The following WWC1 variants were observed in gnomAD, a reference collection of about 807,000 sequenced individuals.
WWC1 encodes the protein WW and C2 domain containing 1, also known as protein KIBRA.
Under a neutral mutation model 138.4 loss-of-function variants are expected in WWC1, and 55 were observed. The ratio of observed to expected loss-of-function variants is 0.40; its 90% confidence interval spans 0.32 to 0.50. The LOEUF (loss-of-function observed/expected upper bound fraction) is 0.50. Ranked by LOEUF, WWC1 falls within the 20% of genes least tolerant of loss-of-function variation. WWC1 has a pLI of 0.72. For synonymous variants in WWC1, 524 were observed against 564.9 expected (o/e 0.93, Z 1.03); for missense variants, 1,226 against 1,420.4 (o/e 0.86, Z 2.20).
intron 20 of WWC1, among the ~76,000 whole-genome samples, chr5:168,462,544 T>G (rs1756910114): frequency 6.6e-6 from 1 of 152,198 alleles, no homozygotes; most frequent in Non-Finnish European, 1.5e-5. Flanking sequence ...GGAGCAGATG[T>G]TCATGGTCCA....
intron 15 of WWC1, among the ~76,000 whole-genome samples, chr5:168,432,628 C>T (rs887657826): frequency 2.0e-5 from 3 of 152,172 alleles, no homozygotes; most frequent in South Asian, 2.1e-4. Flanking sequence ...CCTAGAAGGT[C>T]GCTCCACTCA....
intron 5 of WWC1, among the ~76,000 whole-genome samples, chr5:168,401,433 T>G (rs1200757683): frequency 6.6e-6 from 1 of 152,212 alleles, no homozygotes; most frequent in Non-Finnish European, 1.5e-5. Flanking sequence ...TCCATGAATT[T>G]CAAATCCACC....
At position 168,292,083 on chromosome 5, in the gene WWC1, C is replaced by T. The variant is rs1769091079; in HGVS notation, c.-70C>T. Reference sequence around the variant, plus strand: ...CGGCGGCCGCCCGGGCTAAGAGCGGCCGGCTGGAGCCGCTGAGCCCCCGCT... The same window carrying T: ...CGGCGGCCGCCCGGGCTAAGAGCGGTCGGCTGGAGCCGCTGAGCCCCCGCT... On this transcript the variant is annotated 5_prime_UTR_variant, in exon 1 of 23. Coordinates refer to ENST00000265293, the MANE Select transcript of WWC1 (RefSeq NM_015238.3). This position sits in a 1 kb window ranked among gnomAD's most constrained non-coding sequence, Gnocchi z 4.4. The T allele has an allele frequency of 7.0e-7, 1 of 1,433,406 alleles. No homozygotes were observed. The allele number at this position is 1,433,406 out of a possible 1,614,324, so 88.8% of individuals were successfully genotyped here.
intron 1 of WWC1, among the ~76,000 whole-genome samples, chr5:168,341,769 C>T (rs1350418768): frequency 6.6e-6 from 1 of 151,796 alleles, no homozygotes; most frequent in African/African-American, 2.4e-5. Context: ...GCCAGGTGTT[C>T]AGATGCTGGT....
intron 17 of WWC1, among the ~76,000 whole-genome samples, chr5:168,447,250 C>T (rs930896893): frequency 6.6e-6 from 1 of 152,218 alleles, no homozygotes; most frequent in Non-Finnish European, 1.5e-5. Context: ...TATTATTATT[C>T]TCTTAGAGCC....
intron 1 of WWC1, among the ~76,000 whole-genome samples, chr5:168,302,588 G>T (rs915376982): frequency 1.3e-5 from 2 of 152,076 alleles, no homozygotes; most frequent in Non-Finnish European, 2.9e-5. Context: ...ATTGTGGTGA[G>T]GTGGGCTAAT....
chr5:168,389,597 GT>G (rs55873477), intron 3 of WWC1, among the ~76,000 whole-genome samples: 1,939 of 129,014 alleles, frequency 0.015, 35 homozygotes, highest in African/African-American at 0.05. Flanking sequence ...TTGAATTTTT[GT>G]TTTTTTTTTT....
rs746189002 is a variant in WWC1, at chr5:168,438,806, CAG to C, written c.2281-2875_2281-2874del. 5.3e-5 allele frequency among the ~76,000 whole-genome samples: 8 copies of C among 151,588 alleles called. No homozygotes were observed. The East Asian group carries it at 9.7e-4, about 18-fold the overall frequency. On this transcript the variant is annotated intron_variant, in intron 15 of 22. Transcript: ENST00000265293. The stretch of plus-strand genomic sequence containing the variant: ...GGAAGGCTGTAGGGGAAAAAAAAAA[CAG>C]TAAAAATATTAAGTCACTTGAAATA...
chr5:168,345,400 A>T (rs926462123), intron 1 of WWC1, among the ~76,000 whole-genome samples: 2 of 152,174 alleles, frequency 1.3e-5, no homozygotes, highest in Admixed American at 1.3e-4. Context: ...CCAGGCCTGA[A>T]ATCCTTCCCT....
At chr5:168,411,070 C>T (rs1780203126) in intron 8 of WWC1, among the ~76,000 whole-genome samples, 1 of 151,836 alleles carries the variant, frequency 6.6e-6, no homozygotes. Context: ...GGACTACAGG[C>T]ACCCGTCACA....
intron 18 of WWC1, 35 bp downstream of exon 18, chr5:168,454,135 G>A: frequency 6.2e-7 from 1 of 1,601,816 alleles, no homozygotes. Context: ...GGGCTGTCGT[G>A]GGGAAGGAAC....
chr5:168,291,990 G>T lies in WWC1; in HGVS notation c.-163G>T. On this transcript the variant is annotated 5_prime_UTR_variant, in exon 1 of 23. Transcript: ENST00000265293. ...GGGCTGCAGGGCCGCATGGACAGCG[G>T]CGCCACCCCGGCCGGCCCCTACTAG... 2.7e-6 allele frequency: 2 copies of T among 745,580 alleles called. No individual in the cohort carries two copies. The highest frequency in any genetic ancestry group is 3.8e-6 in the Non-Finnish European group (2 of 530,770). 46.2% of individuals were successfully genotyped at this position (745,580 alleles called of 1,614,324 possible).
chr5:168,396,217 C>T (rs1325812189), intron 3 of WWC1, among the ~76,000 whole-genome samples: 2 of 152,114 alleles, frequency 1.3e-5, no homozygotes, highest in Non-Finnish European at 2.9e-5. Context: ...AACTTTGTCT[C>T]TGCTAAAAAT....
chr5:168,367,037 A>T (rs532050179), intron 1 of WWC1, among the ~76,000 whole-genome samples: 1 of 151,968 alleles, frequency 6.6e-6, no homozygotes, highest in South Asian at 2.1e-4. Context: ...ACCTCGGGTG[A>T]TCCACCCGCC....
intron 22 of WWC1, among the ~76,000 whole-genome samples, chr5:168,468,497 T>TAA (rs112284118): frequency 3.4e-5 from 5 of 145,250 alleles, no homozygotes; most frequent in African/African-American, 1.3e-4. Flanking sequence ...GTATGTGCTT[T>TAA]AAAAAAAAAA....
At chr5:168,373,910 G>C (rs574433307) in intron 2 of WWC1, among the ~76,000 whole-genome samples, 1 of 151,776 alleles carries the variant, frequency 6.6e-6, no homozygotes, top group African/African-American at 2.4e-5. Context: ...GCTGGGCGTG[G>C]TGGCGGGCAT....
At chr5:168,315,718 G>A (rs1243026594) in intron 1 of WWC1, among the ~76,000 whole-genome samples, 1 of 152,138 alleles carries the variant, frequency 6.6e-6, no homozygotes, top group Non-Finnish European at 1.5e-5. Flanking sequence ...GAAGGGTGCT[G>A]AGCGGCAACG....
chr5:168,365,589 C>G (rs927920101), intron 1 of WWC1, among the ~76,000 whole-genome samples: 1 of 152,152 alleles, frequency 6.6e-6, no homozygotes, highest in African/African-American at 2.4e-5. Context: ...CCTCACAGCC[C>G]GTAGGAAAGT....
chr5:168,425,407 A>G (rs1031749153), intron 11 of WWC1, among the ~76,000 whole-genome samples: 2 of 152,070 alleles, frequency 1.3e-5, no homozygotes, highest in African/African-American at 2.4e-5. Context: ...TATAGCGTAC[A>G]GGTGTTTAGG....
Sources: allele counts gnomAD v4.1 joint callset (sites outside exome capture counted in the v4.1 genomes callset), GRCh38; gene constraint gnomAD v4.1.1; non-coding constraint Gnocchi (gnomAD v3.1); transcripts MANE v1.5; gene names NCBI Gene and HGNC (gene_info 2026-07-23, HGNC 2026-07-21).